TRIM40: variants seen among roughly 807,000 people sequenced by gnomAD.
The protein encoded by TRIM40 is E3 ubiquitin ligase TRIM40.
Under a neutral mutation model 26.1 loss-of-function variants are expected in TRIM40, and 27 were observed. That is an observed-to-expected ratio of 1.04 (90% CI 0.76 to 1.43). The LOEUF is 1.43. Ranked by LOEUF, TRIM40 falls within the 40% of genes most tolerant of loss-of-function variation. The pLI, the probability that TRIM40 is intolerant of heterozygous loss-of-function variation, is 0.00. For synonymous variants in TRIM40, 114 were observed against 120.0 expected (o/e 0.95, Z 0.33); for missense variants, 289 against 307.9 (o/e 0.94, Z 0.46).
chr6:30,144,610 A>G lies in TRIM40; in HGVS notation c.346-1384A>G, dbSNP rs552972513. Among the ~76,000 whole-genome samples, 3 of 152,316 alleles carry G rather than the reference A, an allele frequency of 2.0e-5. No individual in the cohort carries two copies. In the East Asian group the frequency reaches 5.8e-4, roughly 29 times the overall value. ...AGTGGCAGAAGGCACAGGTCTAGGA[A>G]GGATGGGGTGGAGAGGAGGTACAGA... On this transcript the variant is annotated intron_variant, in intron 2 of 5. Coordinates refer to ENST00000396581, the MANE Select transcript of TRIM40 (RefSeq NM_001286633.2).
At chr6:30,147,571 A>T in intron 5 of TRIM40, 29 bp downstream of exon 5, 1 of 1,614,182 alleles carries the variant, frequency 6.2e-7, no homozygotes, top group Non-Finnish European at 8.5e-7. Context: ...TCTTTCCCAC[A>T]TGTGCATATA....
chr6:30,140,662 T>C (rs1389527940), intron 2 of TRIM40, among the ~76,000 whole-genome samples: 1 of 152,142 alleles, frequency 6.6e-6, no homozygotes, highest in Non-Finnish European at 1.5e-5. Context: ...GGCACGTGTA[T>C]ACCTATGTAA....
intron 2 of TRIM40, among the ~76,000 whole-genome samples, chr6:30,143,536 C>T (rs1771474832): frequency 6.7e-6 from 1 of 150,318 alleles, no homozygotes; most frequent in Non-Finnish European, 1.5e-5. Flanking sequence ...AATTTAATGC[C>T]CTTTTTTGTC....
Position 30,141,644 on chromosome 6 carries a change from T to C in TRIM40, c.345+4263T>C, listed in dbSNP as rs180944210. Among the ~76,000 whole-genome samples the C allele has an allele frequency of 2.5e-4, 38 of 152,336 alleles. No homozygotes were observed. In the East Asian group the frequency reaches 6.9e-3, roughly 28 times the overall value. ...GTTGGGAGGAGGCACACTTCTTCCA[T>C]AGTAATAACAGGGAACAAGAGAAGG... On this transcript the variant is annotated intron_variant, in intron 2 of 5. Coordinates refer to ENST00000396581, the MANE Select transcript of TRIM40 (RefSeq NM_001286633.2).
chr6:30,140,993 C>A (rs193022273), intron 2 of TRIM40, among the ~76,000 whole-genome samples: 260 of 152,200 alleles, frequency 1.7e-3, no homozygotes, highest in African/African-American at 5.8e-3. Flanking sequence ...ATATTTAAAT[C>A]CAAGAAAAGC....
intron 3 of TRIM40, among the ~76,000 whole-genome samples, chr6:30,146,655 C>T (rs1350283772): frequency 1.3e-5 from 2 of 152,084 alleles, no homozygotes; most frequent in African/African-American, 4.8e-5. Flanking sequence ...TCGTGATCCG[C>T]CCGCCTTGGC....
At chr6:30,146,925 C>G in intron 3 of TRIM40, 60 bp from the exon 4 acceptor site, 2 of 1,493,900 alleles carry the variant, frequency 1.3e-6, no homozygotes, top group Admixed American at 4.0e-5. Context: ...CATTCAGAGA[C>G]TGTGAAGGGC....
intron 3 of TRIM40, 120 bp from the exon 4 acceptor site, chr6:30,146,865 G>A: frequency 1.0e-6 from 1 of 981,822 alleles, no homozygotes; most frequent in Non-Finnish European, 1.5e-6. Flanking sequence ...GACACACAGA[G>A]GCAACACCAT....
intron 2 of TRIM40, 117 bp from the exon 3 acceptor site, chr6:30,145,877 C>A: frequency 1.4e-6 from 1 of 724,022 alleles, no homozygotes; most frequent in South Asian, 1.7e-5. Flanking sequence ...TCTTTTTAGG[C>A]AGAATTTTAC....
chr6:30,144,258 G>A (rs755750917), intron 2 of TRIM40, among the ~76,000 whole-genome samples: 3 of 152,120 alleles, frequency 2.0e-5, no homozygotes, highest in Non-Finnish European at 4.4e-5. Flanking sequence ...AAATGTGACA[G>A]ATTTCAAGCT....
chr6:30,139,091 T>C (rs1771180610), intron 2 of TRIM40, among the ~76,000 whole-genome samples: 1 of 152,254 alleles, frequency 6.6e-6, no homozygotes, highest in African/African-American at 2.4e-5. Flanking sequence ...CTAGGCATTG[T>C]AGAAAGTACA....
At chr6:30,145,469 G>A (rs772602558) in intron 2 of TRIM40, among the ~76,000 whole-genome samples, 2 of 152,136 alleles carry the variant, frequency 1.3e-5, no homozygotes, top group African/African-American at 2.4e-5. Flanking sequence ...AGGACACAGC[G>A]ACACATCCAG....
At position 30,145,984 on chromosome 6, in the gene TRIM40, G is replaced by T. The variant is rs770098171; in HGVS notation, c.346-10G>T. On this transcript the variant is annotated splice_polypyrimidine_tract_variant and intron_variant, in intron 2 of 5. Coordinates refer to ENST00000396581, the MANE Select transcript of TRIM40 (RefSeq NM_001286633.2). Reference sequence around the variant, plus strand: ...CCCAGTCTGACAAGCAGGTGTGTCTGTCTCTTTAGGAACGACTCAATCGCC... The same window carrying T: ...CCCAGTCTGACAAGCAGGTGTGTCTTTCTCTTTAGGAACGACTCAATCGCC... 2 of 1,612,422 alleles carry T rather than the reference G, an allele frequency of 1.2e-6. No individual in the cohort carries two copies. The highest frequency in any genetic ancestry group is 1.7e-6 in the Non-Finnish European group (2 of 1,179,554).
At position 30,137,326 on chromosome 6, in the gene TRIM40, CT is replaced by C. The variant is rs1562087874; in HGVS notation, c.291del (p.Glu98AsnfsTer8). The C allele has an allele frequency of 6.2e-7, 1 of 1,613,058 alleles. No homozygotes were observed. The highest frequency in any genetic ancestry group is 1.1e-5 in the South Asian group (1 of 91,084). Reference protein sequence around the residue: ...LLLCVECLVSPEHMSHHELTI... With the variant: ...LLLCVECLVSXEHMSHHELTI... ...CTATGTGTGGAATGCCTGGTGTCCC[CT>C]GAACACATGTCTCATCATGAACTGA... On this transcript the variant is annotated frameshift_variant, in exon 2 of 6. Coordinates refer to ENST00000396581, the MANE Select transcript of TRIM40 (RefSeq NM_001286633.2). LOFTEE classifies it high-confidence loss of function.
chr6:30,142,362 T>A (rs1346792748), intron 2 of TRIM40, among the ~76,000 whole-genome samples: 1 of 152,236 alleles, frequency 6.6e-6, no homozygotes, highest in Non-Finnish European at 1.5e-5. Flanking sequence ...TTTACTTTGC[T>A]TGATTATGAA....
chr6:30,147,218 C>G lies in TRIM40; in HGVS notation c.666+9C>G. Reference sequence around the variant, plus strand: ...ACACCAACACACTGAAGGTGCATACCCTGAGGCCTTCCCCAAGGGCTGGGA... The same window carrying G: ...ACACCAACACACTGAAGGTGCATACGCTGAGGCCTTCCCCAAGGGCTGGGA... On this transcript the variant is annotated intron_variant, in intron 4 of 5. Transcript: ENST00000396581. 1 of 1,613,918 alleles carries G rather than the reference C, an allele frequency of 6.2e-7. No individual in the cohort carries two copies. The highest frequency in any genetic ancestry group is 8.5e-7 in the Non-Finnish European group (1 of 1,179,838).
chr6:30,137,855 T>C (rs892461271), intron 2 of TRIM40, among the ~76,000 whole-genome samples: 31 of 152,356 alleles, frequency 2.0e-4, no homozygotes, highest in African/African-American at 7.2e-4. Context: ...TTTCCTTTCT[T>C]TGCTATGGCA....
chr6:30,139,738 A>G (rs1041484775), intron 2 of TRIM40, among the ~76,000 whole-genome samples: 1 of 152,212 alleles, frequency 6.6e-6, no homozygotes, highest in African/African-American at 2.4e-5. Flanking sequence ...CTGGCAGAAG[A>G]GAAATCAACC....
intron 2 of TRIM40, among the ~76,000 whole-genome samples, chr6:30,142,601 A>G (rs1337040740): frequency 1.3e-5 from 2 of 152,052 alleles, no homozygotes; most frequent in Non-Finnish European, 1.5e-5. Flanking sequence ...ATTCTTTTTT[A>G]TAATATAATC....
Sources: gnomAD v4.1 joint callset for allele counts (sites outside exome capture counted in the v4.1 genomes callset) on GRCh38, gnomAD v4.1.1 for gene constraint, MANE v1.5 for transcripts, NCBI Gene and HGNC (gene_info 2026-07-23, HGNC 2026-07-21) for gene names.